SOD2: variants seen among roughly 807,000 people sequenced by gnomAD.
SOD2 encodes superoxide dismutase 2.
A neutral mutation model predicts 27.0 loss-of-function variants in SOD2; 11 were observed. The ratio of observed to expected loss-of-function variants is 0.41; its 90% CI spans 0.26 to 0.67. The LOEUF (loss-of-function observed/expected upper bound fraction) is 0.67. Among genes scored for constraint, SOD2 ranks in the 30% least tolerant of loss-of-function variants. SOD2 has a pLI of 0.34. For synonymous variants in SOD2, 105 were observed against 103.0 expected (o/e 1.02, Z -0.12); for missense variants, 250 against 274.5 (o/e 0.91, Z 0.63).
At chr6:159,760,753 A>T (rs1336681726) in intron 1 of SOD2, 1 of 152,270 alleles carries the variant, frequency 6.6e-6, no homozygotes, top group Non-Finnish European at 1.5e-5. Flanking sequence ...TGTGAGAGTA[A>T]GCCCACAAAG....
chr6:159,724,900 G>C (rs1426882289), intron 1 of SOD2, among the ~76,000 whole-genome samples: 3 of 147,512 alleles, frequency 2.0e-5, no homozygotes, highest in African/African-American at 7.5e-5. Context: ...GGAAGGGAGG[G>C]GGGAAGAGAG....
intron 1 of SOD2, among the ~76,000 whole-genome samples, chr6:159,707,655 T>C (rs1391613271): frequency 2.7e-5 from 4 of 149,112 alleles, no homozygotes; most frequent in African/African-American, 7.4e-5. Context: ...AGTCCAGGAC[T>C]AGACGGATTC....
In SOD2 at chr6:159,692,324, A is replaced by C. The variant is rs1467655254; in HGVS notation, c.226+337T>G. The C allele has an allele frequency of 6.9e-6, 7 of 1,018,884 alleles. No homozygotes were observed. In the Admixed American group the frequency reaches 2.1e-4, roughly 30 times the overall value. 63.1% of individuals were successfully genotyped at this position (1,018,884 alleles called of 1,614,324 possible). ...CAAGAACAATTTCAATTTGCAAAAA[A>C]AACGAGTGACACAGTAGAGCTTTCT... On this transcript the variant is annotated intron_variant, in intron 2 of 4. Coordinates refer to ENST00000538183, the MANE Select transcript of SOD2 (RefSeq NM_000636.4).
In SOD2 at chr6:159,677,868, T is replaced by C. The variant is rs1218915668; in HGVS notation, c.*4625A>G. On this transcript the variant is annotated 3_prime_UTR_variant, in exon 5 of 5. Coordinates refer to ENST00000538183, the MANE Select transcript of SOD2 (RefSeq NM_000636.4). ...TTGTCTCAATCCTTGCTTGGTCTCT[T>C]GGCTCCTAAACCCCTTGAAGTATCT... is the stretch of plus-strand genomic sequence containing the variant. The C allele has an allele frequency of 6.6e-6, 1 of 152,226 alleles. No individual in the cohort carries two copies. Among genetic ancestry groups the C allele is most frequent in the Non-Finnish European group, 1.5e-5 (1 of 68,048 alleles). 9.4% of individuals were successfully genotyped at this position (152,226 alleles called of 1,614,324 possible). A position where few individuals can be genotyped will look rare whatever the true frequency, so the allele number is the denominator to read the frequency against.
At chr6:159,732,464 A>G (rs1428326927) in intron 1 of SOD2, among the ~76,000 whole-genome samples, 59 of 152,246 alleles carry the variant, frequency 3.9e-4, no homozygotes, top group East Asian at 1.9e-4. Context: ...TCGTATATAC[A>G]TAGATACAGA....
At position 159,684,875 on chromosome 6, in the gene SOD2, C is replaced by T; in HGVS notation, c.502G>A (p.Asp168Asn). 1 of 1,612,284 alleles carries T rather than the reference C, an allele frequency of 6.2e-7. No homozygotes were observed. The highest frequency in any genetic ancestry group is 8.5e-7 in the Non-Finnish European group (1 of 1,179,158). Reference sequence around the variant, plus strand: ...TAACCTGTTGTTCCTTGCAGTGGATCCTGATTTGGACAAGCAGCAATTTGT... The same window carrying T: ...TAACCTGTTGTTCCTTGCAGTGGATTCTGATTTGGACAAGCAGCAATTTGT... ...HLQIAACPNQ[D>N]PLQGTTGLIP... Residue 168 changes from aspartate to asparagine, a missense_variant, in exon 4 of 5, where the codon GAT becomes AAT. Asp to Asn is a conservative substitution (Grantham distance 23). Transcript: ENST00000538183.
rs1259281814 is a variant in SOD2, at chr6:159,673,403, G to A, written c.*9090C>T. On this transcript the variant is annotated 3_prime_UTR_variant, in exon 5 of 5. Coordinates refer to ENST00000538183, the MANE Select transcript of SOD2 (RefSeq NM_000636.4). ...ACAGAAATTATAACATACTGTCTCAGACCACAGTGCAATCAAACTAGAACT... is the reference window on the plus strand; with the variant it reads ...ACAGAAATTATAACATACTGTCTCAAACCACAGTGCAATCAAACTAGAACT... 1.3e-5 allele frequency: 2 copies of A among 152,106 alleles called. No homozygotes were observed. The highest frequency in any genetic ancestry group is 4.8e-5 in the African/African-American group (2 of 41,422). 9.4% of individuals were successfully genotyped at this position (152,106 alleles called of 1,614,324 possible).
At chr6:159,736,320 T>C in intron 1 of SOD2, 1 of 1,589,136 alleles carries the variant, frequency 6.3e-7, no homozygotes, top group Non-Finnish European at 8.6e-7. Flanking sequence ...TTTGGGTTTT[T>C]TTGTTTTGTT....
upstream of SOD2, chr6:159,748,849 A>G: frequency 8.2e-7 from 1 of 1,216,358 alleles, no homozygotes; most frequent in Non-Finnish European, 1.0e-6. The surrounding 1 kb of genome is among the most constrained non-coding windows in gnomAD (Gnocchi z 5.6). Context: ...GAGCATAGTG[A>G]CTTAGAGACA....
intron 1 of SOD2, chr6:159,755,016 T>C (rs1290972320): frequency 6.3e-7 from 1 of 1,584,162 alleles, no homozygotes; most frequent in Non-Finnish European, 8.6e-7. Flanking sequence ...GGTCTGACTC[T>C]CCTTTGCACA....
rs554480732 is a variant in SOD2 at position 159,679,746 on chromosome 6, G to A, written c.*2747C>T. The A allele has an allele frequency of 2.0e-5, 3 of 152,306 alleles. No homozygotes were observed. Among genetic ancestry groups the A allele is most frequent in the Admixed American group, 6.5e-5 (1 of 15,300 alleles). 9.4% of individuals were successfully genotyped at this position (152,306 alleles called of 1,614,324 possible). A position where few individuals can be genotyped will look rare whatever the true frequency, so the allele number is the denominator to read the frequency against. ...TGAACAATACTTGTTCTTTTCAGAA[G>A]AAAAGCAATTTTACCTTTTCTATTT... On this transcript the variant is annotated 3_prime_UTR_variant, in exon 5 of 5. Coordinates refer to ENST00000538183, the MANE Select transcript of SOD2 (RefSeq NM_000636.4).
At chr6:159,692,402 T>TCAC (rs1777248679) in intron 2 of SOD2, 1 of 1,384,172 alleles carries the variant, frequency 7.2e-7, no homozygotes, top group African/African-American at 1.5e-5. Context: ...GGAATGTGGC[T>TCAC]CACAACAGTA....
chr6:159,755,765 C>CTTTTTTTTTTGTTTTTTTTTTTTTTTTTT (rs1779988589), intron 1 of SOD2: 1 of 160,626 alleles, frequency 6.2e-6, no homozygotes, highest in Non-Finnish European at 7.6e-6. Context: ...TTTTTCTTTT[C>CTTTTTTTTTTGTTTTTTTTTTTTTTTTTT]TTTTTTTTTT....
At chr6:159,726,892 C>A (rs1187197479) in intron 1 of SOD2, 6 of 1,289,076 alleles carry the variant, frequency 4.7e-6, no homozygotes, top group Non-Finnish European at 6.1e-6. Flanking sequence ...CGGCTCGCCG[C>A]CCACGGCCTC....
At chr6:159,694,422 G>T (rs5746081), upstream of SOD2, among the ~76,000 whole-genome samples, 1 of 152,094 alleles carries the variant, frequency 6.6e-6, no homozygotes, top group Non-Finnish European at 1.5e-5. Flanking sequence ...TAGGCTTCCG[G>T]TAAGTGGAAT....
chr6:159,716,587 T>G (rs1302845642), intron 1 of SOD2, among the ~76,000 whole-genome samples: 1 of 152,098 alleles, frequency 6.6e-6, no homozygotes, highest in African/African-American at 2.4e-5. Flanking sequence ...CTGAGCACCA[T>G]CACTATGTGG....
At chr6:159,734,342 A>C (rs1326509204) in intron 1 of SOD2, among the ~76,000 whole-genome samples, 1 of 148,162 alleles carries the variant, frequency 6.7e-6, no homozygotes, top group Admixed American at 6.9e-5. Context: ...ATGCCACAGC[A>C]CTCCAGCCTG....
chr6:159,755,118 G>T, intron 1 of SOD2: 1 of 1,614,168 alleles, frequency 6.2e-7, no homozygotes, highest in Non-Finnish European at 8.5e-7. Context: ...AAGGAGACAC[G>T]CCAGCAGTTG....
chr6:159,754,970 GA>G, intron 1 of SOD2: 1 of 1,472,654 alleles, frequency 6.8e-7, no homozygotes, highest in Non-Finnish European at 9.1e-7. Flanking sequence ...AGGCACTAAA[GA>G]AACATTTTTC....
Sources: gnomAD v4.1 joint callset for allele counts (sites outside exome capture counted in the v4.1 genomes callset) on GRCh38, gnomAD v4.1.1 for gene constraint, Gnocchi (gnomAD v3.1) non-coding constraint, MANE v1.5 for transcripts, NCBI Gene and HGNC (gene_info 2026-07-23, HGNC 2026-07-21) for gene names.